Variants in ATP9B observed in about 807,000 individuals in gnomAD.
ATP9B encodes the protein probable phospholipid-transporting ATPase IIB.
A neutral mutation model predicts 146.1 loss-of-function variants in ATP9B; 110 were observed. The observed-to-expected ratio is 0.75, with a 90% CI of 0.65 to 0.88. The LOEUF is 0.88. Ranked by LOEUF, ATP9B falls within the 40% of genes least tolerant of loss-of-function variation. ATP9B has a pLI of 0.00. For missense variants in ATP9B, 1,499 were observed against 1,496.4 expected (o/e 1.00, Z -0.03); for synonymous variants, 604 against 569.7 (o/e 1.06, Z -0.86).
rs549895578 is a variant in ATP9B, at chr18:79,149,724, A to AT, written c.727-4780_727-4779insT. ...AAAACTTAACAGTAAAAAAAAAAAA[A>AT]ATTTGAAATTAGAAAATGAGCAAAA... is the stretch of plus-strand genomic sequence containing the variant. On this transcript the variant is annotated intron_variant, in intron 6 of 29. Transcript: ENST00000426216. 6.9e-3 allele frequency among the ~76,000 whole-genome samples: 1,028 copies of AT among 148,026 alleles called. 10 individuals are homozygous for AT. The highest frequency in any genetic ancestry group is 0.026 in the African/African-American group (979 of 38,276).
At chr18:79,281,864 T>C (rs1664077248) in intron 13 of ATP9B, among the ~76,000 whole-genome samples, 1 of 152,198 alleles carries the variant, frequency 6.6e-6, no homozygotes, top group African/African-American at 2.4e-5. Context: ...TCTCTACTAA[T>C]GGATCTACTG....
intron 2 of ATP9B, among the ~76,000 whole-genome samples, chr18:79,097,351 A>G (rs2074876560): frequency 6.6e-6 from 1 of 151,292 alleles, no homozygotes; most frequent in South Asian, 2.1e-4. Flanking sequence ...TGCTACATTT[A>G]TTTTATTATT....
At chr18:79,212,765 A>G (rs928433961) in intron 10 of ATP9B, among the ~76,000 whole-genome samples, 3 of 152,188 alleles carry the variant, frequency 2.0e-5, no homozygotes, top group African/African-American at 7.2e-5. Flanking sequence ...TATGTGGATA[A>G]TAGTAATAAA....
At chr18:79,259,731 A>G (rs777778373) in intron 12 of ATP9B, among the ~76,000 whole-genome samples, 3 of 152,240 alleles carry the variant, frequency 2.0e-5, no homozygotes, top group Non-Finnish European at 2.9e-5. Context: ...GTCAGGCAGC[A>G]CAGGCACAGC....
chr18:79,200,993 G>T (rs186155121), intron 9 of ATP9B, among the ~76,000 whole-genome samples: 3 of 152,318 alleles, frequency 2.0e-5, no homozygotes, highest in East Asian at 3.9e-4. Context: ...TTAGGAACGG[G>T]AATGGCTTCA....
chr18:79,142,054 A>T (rs958643626), intron 5 of ATP9B, among the ~76,000 whole-genome samples: 4 of 152,240 alleles, frequency 2.6e-5, no homozygotes, highest in Non-Finnish European at 5.9e-5. Flanking sequence ...GCAGATATAT[A>T]AGGCAGGTGG....
chr18:79,092,635 T>C (rs2074429408), intron 1 of ATP9B, among the ~76,000 whole-genome samples: 1 of 149,316 alleles, frequency 6.7e-6, no homozygotes, highest in East Asian at 1.9e-4. Context: ...TTATTTTTAC[T>C]TAAACTTTTT....
At chr18:79,302,787 A>G (rs1447754953) in intron 13 of ATP9B, among the ~76,000 whole-genome samples, 1 of 152,210 alleles carries the variant, frequency 6.6e-6, no homozygotes, top group South Asian at 2.1e-4. Flanking sequence ...AGGGACACAC[A>G]TACATGCTAA....
intron 7 of ATP9B, among the ~76,000 whole-genome samples, chr18:79,165,647 TG>T (rs1477137270): frequency 6.6e-5 from 10 of 152,168 alleles, no homozygotes; most frequent in Non-Finnish European, 1.5e-5. Flanking sequence ...CTGCAGAAAT[TG>T]AGCCATGGCC....
intron 7 of ATP9B, among the ~76,000 whole-genome samples, chr18:79,160,861 T>A (rs1056531371): frequency 6.6e-6 from 1 of 152,200 alleles, no homozygotes; most frequent in African/African-American, 2.4e-5. Context: ...AACCTCTGCC[T>A]CCTGGGTTCC....
chr18:79,146,100 G>C (rs1599884729), intron 6 of ATP9B: 3 of 39,136 alleles, frequency 7.7e-5, no homozygotes, highest in South Asian at 2.5e-4. Flanking sequence ...GCAGTGTGCA[G>C]AGTGACTGAA....
chr18:79,252,854 G>A (rs748033327), intron 11 of ATP9B, among the ~76,000 whole-genome samples: 21 of 149,434 alleles, frequency 1.4e-4, no homozygotes, highest in Admixed American at 4.7e-4. Context: ...CTGGTAGATC[G>A]GAAAGACATA....
chr18:79,290,766 C>T (rs191862067), intron 13 of ATP9B, among the ~76,000 whole-genome samples: 2 of 152,238 alleles, frequency 1.3e-5, no homozygotes, highest in Non-Finnish European at 2.9e-5. Flanking sequence ...GGCTGCCCCC[C>T]TTCCATTTCT....
rs116022179 is a variant in ATP9B at position 79,333,935 on chromosome 18, G to A, written c.2029-2693G>A. The stretch of plus-strand genomic sequence containing the variant: ...AGTTGCTCAAATTTGAAATTTGAGA[G>A]GGAGTCAACAACATCTGGATGGAGA... On this transcript the variant is annotated intron_variant, in intron 17 of 29. Coordinates refer to ENST00000426216, the MANE Select transcript of ATP9B (RefSeq NM_198531.5). Among the ~76,000 whole-genome samples, 994 of 152,342 alleles carry A rather than the reference G, an allele frequency of 6.5e-3. 5 individuals carry two copies. The highest frequency in any genetic ancestry group is 0.022 in the African/African-American group (931 of 41,570).
chr18:79,242,274 C>T (rs2095896895), intron 11 of ATP9B, among the ~76,000 whole-genome samples: 3 of 152,296 alleles, frequency 2.0e-5, no homozygotes, highest in South Asian at 4.1e-4. Context: ...AAGCCATAGT[C>T]AGGGCACTAG....
Position 79,344,196 on chromosome 18 carries a change from G to A in ATP9B, c.2383-69G>A, listed in dbSNP as rs537126469. On this transcript the variant is annotated intron_variant, in intron 20 of 29. Transcript: ENST00000426216. ...ATTCCACTGTGACTCTGCAAATAAT[G>A]CCCTGTTTCTCTGTGCCTGTAACTT... The A allele has an allele frequency of 5.7e-4, 769 of 1,356,986 alleles. 4 individuals carry two copies. Among genetic ancestry groups the A allele is most frequent in the Non-Finnish European group, 7.8e-4 (744 of 957,050 alleles). 84.1% of individuals were successfully genotyped at this position (1,356,986 alleles called of 1,614,324 possible). A position where few individuals can be genotyped will look rare whatever the true frequency, so the allele number is the denominator to read the frequency against.
At chr18:79,294,067 G>C (rs976774742) in intron 13 of ATP9B, among the ~76,000 whole-genome samples, 1 of 152,112 alleles carries the variant, frequency 6.6e-6, no homozygotes, top group Non-Finnish European at 1.5e-5. Flanking sequence ...AGCTGAGAAA[G>C]GACATCTAAC....
At chr18:79,180,827 C>T (rs2095242849) in intron 8 of ATP9B, among the ~76,000 whole-genome samples, 1 of 151,468 alleles carries the variant, frequency 6.6e-6, no homozygotes, top group African/African-American at 2.4e-5. Context: ...GAGTCTCGCT[C>T]TGTCACAGAG....
intron 3 of ATP9B, among the ~76,000 whole-genome samples, chr18:79,112,744 T>TAA (rs879557597): frequency 1.4e-5 from 2 of 146,478 alleles, no homozygotes; most frequent in African/African-American, 2.5e-5. Flanking sequence ...ATGTCCGTGT[T>TAA]AAAAAAAAAA....
Sources: allele counts gnomAD v4.1 joint callset (sites outside exome capture counted in the v4.1 genomes callset), GRCh38; gene constraint gnomAD v4.1.1; transcripts MANE v1.5; gene names NCBI Gene and HGNC (gene_info 2026-07-23, HGNC 2026-07-21).